FUT9: variants seen among roughly 807,000 people sequenced by gnomAD.
FUT9 encodes 4-galactosyl-N-acetylglucosaminide 3-alpha-L-fucosyltransferase 9.
Under a neutral mutation model 29.7 loss-of-function variants are expected in FUT9, and 15 were observed. The ratio of observed to expected loss-of-function variants is 0.51; its 90% CI spans 0.34 to 0.78. The LOEUF (loss-of-function observed/expected upper bound fraction) is 0.78, where lower values mean the gene tolerates loss of function less well. FUT9 is among the 30% of genes least tolerant of loss of function. The pLI, the probability that FUT9 is intolerant of heterozygous loss-of-function variation, is 0.01. For missense variants in FUT9, 319 were observed against 425.4 expected (o/e 0.75, Z 2.20); for synonymous variants, 169 against 153.7 (o/e 1.10, Z -0.74).
At chr6:96,075,110 T>C (rs961891010) in intron 1 of FUT9, among the ~76,000 whole-genome samples, 3 of 152,088 alleles carry the variant, frequency 2.0e-5, no homozygotes, top group Non-Finnish European at 4.4e-5. Flanking sequence ...GCAATACACC[T>C]ATGTATTATA....
intron 1 of FUT9, among the ~76,000 whole-genome samples, chr6:96,034,756 A>G (rs1359152118): frequency 4.0e-5 from 6 of 151,724 alleles, no homozygotes; most frequent in Non-Finnish European, 8.9e-5. Flanking sequence ...TTATCCCTGC[A>G]AGACCCCAGA....
At chr6:96,167,860 A>G (rs548757918) in intron 2 of FUT9, among the ~76,000 whole-genome samples, 37 of 152,278 alleles carry the variant, frequency 2.4e-4, no homozygotes, top group African/African-American at 7.2e-4. Flanking sequence ...AAGATGCTAC[A>G]TGGAAGCCAC....
chr6:96,192,867 G>A (rs1773539155), intron 2 of FUT9, among the ~76,000 whole-genome samples: 1 of 151,746 alleles, frequency 6.6e-6, no homozygotes, highest in African/African-American at 2.4e-5. Flanking sequence ...ATAGACCAAT[G>A]GAATAGAACA....
chr6:96,034,365 T>C (rs1034007516), intron 1 of FUT9, among the ~76,000 whole-genome samples: 1 of 151,618 alleles, frequency 6.6e-6, no homozygotes, highest in Non-Finnish European at 1.5e-5. Flanking sequence ...ACTGTCCCTG[T>C]TTTATTTAGA....
intron 1 of FUT9, among the ~76,000 whole-genome samples, chr6:96,058,252 A>G (rs1372846507): frequency 6.6e-6 from 1 of 152,116 alleles, no homozygotes; most frequent in Non-Finnish European, 1.5e-5. Flanking sequence ...TTAGACAAGC[A>G]TTCATTGTTC....
chr6:96,123,105 A>G (rs1405257922), intron 2 of FUT9, among the ~76,000 whole-genome samples: 2 of 140,006 alleles, frequency 1.4e-5, no homozygotes, highest in Non-Finnish European at 3.1e-5. Flanking sequence ...AAAAGCTTAT[A>G]TTGTAGAGCT....
intron 2 of FUT9, among the ~76,000 whole-genome samples, chr6:96,148,192 A>G (rs1772608735): frequency 6.6e-6 from 1 of 152,194 alleles, no homozygotes; most frequent in Admixed American, 6.5e-5. Flanking sequence ...CTTATCACTA[A>G]GCTTGGAATG....
chr6:96,072,196 G>A (rs750825792), intron 1 of FUT9, among the ~76,000 whole-genome samples: 1 of 152,154 alleles, frequency 6.6e-6, no homozygotes, highest in Non-Finnish European at 1.5e-5. Context: ...GCTGCAAGTA[G>A]CAGAGTCAAG....
chr6:96,058,487 GC>G (rs1770816054), intron 1 of FUT9, among the ~76,000 whole-genome samples: 1 of 40,534 alleles, frequency 2.5e-5, no homozygotes, highest in Admixed American at 1.8e-4. Context: ...AAAAAAAAAA[GC>G]CAGAAAAAAG....
chr6:96,018,453 T>C (rs1770017526), intron 1 of FUT9, among the ~76,000 whole-genome samples: 1 of 152,124 alleles, frequency 6.6e-6, no homozygotes, highest in Non-Finnish European at 1.5e-5. Flanking sequence ...TAAAGAATTA[T>C]GGTGAGCTGA....
intron 1 of FUT9, among the ~76,000 whole-genome samples, chr6:96,067,633 G>T (rs1296504118): frequency 6.6e-6 from 1 of 152,038 alleles, no homozygotes. Flanking sequence ...ATTATTTAGG[G>T]ATATAAGAGG....
At chr6:96,097,988 C>T (rs1232841214) in intron 1 of FUT9, among the ~76,000 whole-genome samples, 1 of 152,036 alleles carries the variant, frequency 6.6e-6, no homozygotes. Flanking sequence ...CCCCAACCAA[C>T]AGGCTCCAGG....
chr6:96,198,826 G>C (rs1773677149), intron 2 of FUT9, among the ~76,000 whole-genome samples: 1 of 152,080 alleles, frequency 6.6e-6, no homozygotes. Flanking sequence ...GGTGTGAGAT[G>C]GTATCTCATT....
intron 1 of FUT9, among the ~76,000 whole-genome samples, chr6:96,083,535 C>G (rs1215374887): frequency 6.6e-6 from 1 of 152,004 alleles, no homozygotes; most frequent in Non-Finnish European, 1.5e-5. Flanking sequence ...ATGTTCTAGC[C>G]TCTCTATTGC....
chr6:96,133,042 G>T lies in FUT9; in HGVS notation c.-9+18915G>T, dbSNP rs1772276460. ...AGATCTTGTTGCATCCATCACCTGA[G>T]TAGTGTACACCGTACCCAATGTGTA... On this transcript the variant is annotated intron_variant, in intron 2 of 2. Transcript: ENST00000302103. 2.6e-5 allele frequency among the ~76,000 whole-genome samples: 4 copies of T among 151,802 alleles called. No individual in the cohort carries two copies. The South Asian group carries it at 8.3e-4, about 31-fold the overall frequency.
At chr6:96,172,820 T>C (rs999503812) in intron 2 of FUT9, among the ~76,000 whole-genome samples, 1 of 17,544 alleles carries the variant, frequency 5.7e-5, no homozygotes, top group Non-Finnish European at 2.3e-3. Context: ...AATAAAGAGA[T>C]AGGTTCTCAA....
chr6:96,133,395 C>T (rs1772283698), intron 2 of FUT9, among the ~76,000 whole-genome samples: 1 of 151,806 alleles, frequency 6.6e-6, no homozygotes. Flanking sequence ...AAAAGGAAAA[C>T]AGCAGAGAAA....
At chr6:96,019,003 A>G (rs1770026029) in intron 1 of FUT9, among the ~76,000 whole-genome samples, 1 of 151,916 alleles carries the variant, frequency 6.6e-6, no homozygotes, top group Non-Finnish European at 1.5e-5. Context: ...TGGAATAGCA[A>G]TTGTTTTCCC....
chr6:96,026,196 T>A (rs1770164986), intron 1 of FUT9, among the ~76,000 whole-genome samples: 1 of 151,700 alleles, frequency 6.6e-6, no homozygotes, highest in Non-Finnish European at 1.5e-5. Context: ...CTCCCAGTAG[T>A]GACAAAAGAC....
Sources: allele counts gnomAD v4.1 joint callset (sites outside exome capture counted in the v4.1 genomes callset), GRCh38; gene constraint gnomAD v4.1.1; transcripts MANE v1.5; gene names NCBI Gene and HGNC (gene_info 2026-07-23, HGNC 2026-07-21).